LRCH3: variants seen among roughly 807,000 people sequenced by gnomAD.
LRCH3 encodes the protein DISP complex protein LRCH3.
Under a neutral mutation model 104.5 loss-of-function variants are expected in LRCH3, and 68 were observed. The observed-to-expected ratio is 0.65, with a 90% CI of 0.54 to 0.80. The LOEUF is 0.80. Ranked by LOEUF, LRCH3 falls within the 30% of genes least tolerant of loss-of-function variation. The pLI is 0.00. For missense variants in LRCH3, 951 were observed against 953.9 expected, an observed-to-expected ratio of 1.00 and a Z score of 0.04; for synonymous variants, 344 against 361.3, an observed-to-expected ratio of 0.95 and a Z score of 0.54.
intron 10 of LRCH3, among the ~76,000 whole-genome samples, chr3:197,840,758 T>G (rs144844802): frequency 6.6e-6 from 1 of 152,346 alleles, no homozygotes; most frequent in Non-Finnish European, 1.5e-5. Flanking sequence ...TATACTCTTA[T>G]CACTTAACTC....
chr3:197,869,325 G>C lies in LRCH3; in HGVS notation c.1874-835G>C, dbSNP rs569687744. On this transcript the variant is annotated intron_variant, in intron 17 of 20. Transcript: ENST00000425562. Reference sequence around the variant, plus strand: ...AGGTAGAAAGCCATGCACTGTACCTGCAGGAAGTAGAAAGCGGTGCACTGT... The same window carrying C: ...AGGTAGAAAGCCATGCACTGTACCTCCAGGAAGTAGAAAGCGGTGCACTGT... Among the ~76,000 whole-genome samples, 20 of 151,652 alleles carry C rather than the reference G, an allele frequency of 1.3e-4. No individual in the cohort carries two copies. The South Asian group carries it at 4.0e-3, about 30-fold the overall frequency.
At chr3:197,862,340 A>T (rs1740983290) in intron 15 of LRCH3, among the ~76,000 whole-genome samples, 1 of 152,154 alleles carries the variant, frequency 6.6e-6, no homozygotes, top group Admixed American at 6.6e-5. Flanking sequence ...GCTGCCCTTC[A>T]TTGTTGTTTC....
chr3:197,795,974 A>AC (rs576050226), intron 1 of LRCH3, among the ~76,000 whole-genome samples: 1 of 151,962 alleles, frequency 6.6e-6, no homozygotes, highest in Non-Finnish European at 1.5e-5. Flanking sequence ...TACAGGTGTG[A>AC]CCCACCGCAC....
rs138524762 is a variant in LRCH3, at chr3:197,883,585, G to C, written c.2253G>C (p.Leu751Phe). 1 of 1,536,040 alleles carries C rather than the reference G, an allele frequency of 6.5e-7. No individual in the cohort carries two copies. The highest frequency in any genetic ancestry group is 2.4e-5 in the East Asian group (1 of 40,920). Residue 751 changes from leucine (L) to phenylalanine (F), a missense_variant, in exon 21 of 21, where the codon TTG becomes TTC. Transcript: ENST00000425562. The surrounding 1 kb of genome is among the most constrained non-coding windows in gnomAD (Gnocchi z 4.2). ...LPLHILEEKG[L>F]SQVAVTVQAL... is the part of the protein sequence containing the mutation. Reference sequence around the variant, plus strand: ...TCCACATTTTAGAAGAGAAAGGTTTGAGCCAGGTTGCAGTGACGGTCCAGG... The same window carrying C: ...TCCACATTTTAGAAGAGAAAGGTTTCAGCCAGGTTGCAGTGACGGTCCAGG...
intron 4 of LRCH3, among the ~76,000 whole-genome samples, chr3:197,825,463 G>GTTTTTTTTTTTT (rs1491060533): frequency 3.4e-5 from 1 of 29,362 alleles, no homozygotes; most frequent in Non-Finnish European, 7.1e-5. Flanking sequence ...GATCCTCTTT[G>GTTTTTTTTTTTT]ATTTTTTTTT....
intron 4 of LRCH3, among the ~76,000 whole-genome samples, chr3:197,826,063 A>T (rs1257828385): frequency 1.3e-5 from 2 of 152,004 alleles, no homozygotes; most frequent in African/African-American, 2.4e-5. Context: ...GTTGGTTTTG[A>T]TGTTGGAGAT....
intron 20 of LRCH3, chr3:197,880,652 A>G (rs1226753545): frequency 6.5e-7 from 1 of 1,536,702 alleles, no homozygotes; most frequent in Admixed American, 2.0e-5. Context: ...GTTTTGTGGC[A>G]TTTTACTGTA....
At chr3:197,875,995 A>G (rs1036492034) in intron 20 of LRCH3, 1 of 356,162 alleles carries the variant, frequency 2.8e-6, no homozygotes, top group Non-Finnish European at 5.0e-6. Flanking sequence ...TGAAATAAGT[A>G]TAAGTAATTT....
intron 13 of LRCH3, among the ~76,000 whole-genome samples, chr3:197,853,101 C>T (rs1444254539): frequency 6.6e-6 from 1 of 152,188 alleles, no homozygotes; most frequent in Admixed American, 6.5e-5. Flanking sequence ...CTCTTTTGAT[C>T]TGTTAAAATG....
intron 11 of LRCH3, 44 bp downstream of exon 11, chr3:197,847,504 A>T: frequency 6.6e-7 from 1 of 1,526,434 alleles, no homozygotes; most frequent in Non-Finnish European, 8.8e-7. Flanking sequence ...TTAAACTAAG[A>T]TGATTTTTTT....
chr3:197,854,219 TACTG>T lies in LRCH3; in HGVS notation c.1591-169_1591-166del, dbSNP rs528214136. On this transcript the variant is annotated intron_variant, in intron 13 of 20. Transcript: ENST00000425562. This position sits in a 1 kb window ranked among gnomAD's most constrained non-coding sequence, Gnocchi z 4.5. ...AGAAGATCAGTACTCAGAACCAACT[TACTG>T]ACTATTATAATGCATGAATTCCAGA... Among the ~76,000 whole-genome samples, 58 of 152,330 alleles carry T rather than the reference TACTG, an allele frequency of 3.8e-4. No individual in the cohort carries two copies. Among genetic ancestry groups the T allele is most frequent in the African/African-American group, 1.2e-3 (49 of 41,586 alleles).
Position 197,829,685 on chromosome 3 carries a change from C to T in LRCH3, c.887+12C>T. ...GGTTTTGGCTCCTGGTAAGTATATT[C>T]TGTCCCTTTATCTATCATATTTTTT... On this transcript the variant is annotated intron_variant, in intron 6 of 20. Transcript: ENST00000425562. 1 of 1,540,450 alleles carries T rather than the reference C, an allele frequency of 6.5e-7. No individual in the cohort carries two copies.
At chr3:197,841,325 T>G (rs975090435) in intron 10 of LRCH3, among the ~76,000 whole-genome samples, 1 of 152,204 alleles carries the variant, frequency 6.6e-6, no homozygotes, top group African/African-American at 2.4e-5. Context: ...TCTTGGTGTT[T>G]AGAGCCCACT....
At chr3:197,870,764 C>T (rs1712078797) in intron 18 of LRCH3, among the ~76,000 whole-genome samples, 2 of 150,860 alleles carry the variant, frequency 1.3e-5, no homozygotes, top group Admixed American at 1.3e-4. Context: ...GCGTGAGCTT[C>T]CGCGCCCGGC....
In LRCH3 at chr3:197,791,647, G is replaced by C. The variant is rs888600214; in HGVS notation, c.262+107G>C. ...AGTTACAGCAGCTCGTCCCGTAGGC[G>C]CCGGGTCCGGACCCGGGTAACGGGG... On this transcript the variant is annotated intron_variant, in intron 1 of 20. Transcript: ENST00000425562. The C allele has an allele frequency of 4.7e-6, 6 of 1,283,722 alleles. No individual in the cohort carries two copies. In the Admixed American group the frequency reaches 1.7e-4, roughly 36 times the overall value. The allele number at this position is 1,283,722 out of a possible 1,614,324, so 79.5% of individuals were successfully genotyped here.
chr3:197,844,223 A>G (rs1738252728), intron 10 of LRCH3, among the ~76,000 whole-genome samples: 1 of 152,168 alleles, frequency 6.6e-6, no homozygotes, highest in African/African-American at 2.4e-5. Context: ...GTTATGTTCT[A>G]TTTCAGGTAC....
intron 9 of LRCH3, among the ~76,000 whole-genome samples, chr3:197,838,631 T>C (rs1737288739): frequency 6.6e-6 from 1 of 152,246 alleles, no homozygotes; most frequent in Non-Finnish European, 1.5e-5. Context: ...CTACCTTTGA[T>C]TTATAATTTT....
At chr3:197,873,132 G>A (rs1712431875) in intron 19 of LRCH3, among the ~76,000 whole-genome samples, 1 of 152,076 alleles carries the variant, frequency 6.6e-6, no homozygotes, top group South Asian at 2.1e-4. Context: ...ACAGGCTTTG[G>A]GTTGACACAC....
At chr3:197,866,568 T>G (rs1741509140) in intron 17 of LRCH3, among the ~76,000 whole-genome samples, 2 of 152,228 alleles carry the variant, frequency 1.3e-5, no homozygotes, top group Non-Finnish European at 2.9e-5. Context: ...TTTTAAAATC[T>G]ACTTTAAGTC....
Sources: allele counts gnomAD v4.1 joint callset (sites outside exome capture counted in the v4.1 genomes callset), GRCh38; gene constraint gnomAD v4.1.1; non-coding constraint Gnocchi (gnomAD v3.1); transcripts MANE v1.5; gene names NCBI Gene and HGNC (gene_info 2026-07-23, HGNC 2026-07-21).